CACNA2D1: variants seen among roughly 807,000 people sequenced by gnomAD.
The protein encoded by CACNA2D1 is calcium voltage-gated channel auxiliary subunit alpha2delta 1, also known as voltage-dependent calcium channel subunit alpha-2/delta-1.
CACNA2D1 carries 53 observed loss-of-function variants against 171.5 expected under a neutral mutation model. The ratio of observed to expected loss-of-function variants is 0.31; its 90% confidence interval spans 0.25 to 0.39. CACNA2D1 has a LOEUF of 0.39. CACNA2D1 is among the 10% of genes least tolerant of loss of function. CACNA2D1 has a pLI of 1.00. For missense variants in CACNA2D1, 903 were observed against 1,299.8 expected (o/e 0.69, Z 4.69); for synonymous variants, 442 against 443.1 (o/e 1.00, Z 0.03).
At chr7:82,189,643 A>T (rs1159394638) in intron 3 of CACNA2D1, among the ~76,000 whole-genome samples, 1 of 151,952 alleles carries the variant, frequency 6.6e-6, no homozygotes, top group African/African-American at 2.4e-5. Flanking sequence ...ATACCAACTG[A>T]ATATGGCAAG....
intron 4 of CACNA2D1, among the ~76,000 whole-genome samples, chr7:82,141,063 AAATC>A (rs1350325958): frequency 2.0e-5 from 3 of 152,068 alleles, no homozygotes; most frequent in African/African-American, 7.2e-5. Context: ...ATTTTGAGAA[AAATC>A]ATATTTTGGA....
At chr7:82,145,757 A>G (rs1055158701) in intron 4 of CACNA2D1, among the ~76,000 whole-genome samples, 9 of 150,020 alleles carry the variant, frequency 6.0e-5, no homozygotes, top group Admixed American at 4.0e-4. Context: ...TACACCCTCT[A>G]AATAGTTTAC....
intron 3 of CACNA2D1, among the ~76,000 whole-genome samples, chr7:82,215,048 G>C (rs1800958461): frequency 6.6e-6 from 1 of 152,098 alleles, no homozygotes; most frequent in Admixed American, 6.6e-5. Context: ...CAGAGAAATT[G>C]ACCCTCCTGG....
intron 3 of CACNA2D1, among the ~76,000 whole-genome samples, chr7:82,291,468 AAT>A (rs1183694598): frequency 7.4e-6 from 1 of 134,730 alleles, no homozygotes. Flanking sequence ...TTAAATATAT[AAT>A]ATATAAAAAT....
At chr7:82,108,823 T>A (rs1007004671) in intron 6 of CACNA2D1, among the ~76,000 whole-genome samples, 2 of 152,212 alleles carry the variant, frequency 1.3e-5, no homozygotes, top group Non-Finnish European at 2.9e-5. Flanking sequence ...TTAATTATGG[T>A]CAAATTAGCC....
intron 24 of CACNA2D1, among the ~76,000 whole-genome samples, chr7:81,980,639 G>C (rs1425322074): frequency 6.6e-6 from 1 of 152,114 alleles, no homozygotes; most frequent in Non-Finnish European, 1.5e-5. Context: ...AACAGAGACA[G>C]CATTAAGAAA....
intron 1 of CACNA2D1, among the ~76,000 whole-genome samples, chr7:82,375,608 G>A (rs968517519): frequency 1.3e-5 from 2 of 152,162 alleles, no homozygotes; most frequent in African/African-American, 4.8e-5. Flanking sequence ...ATCAGGCACT[G>A]CTTTCAACAC....
chr7:82,048,303 TAGC>T (rs1362800459), intron 10 of CACNA2D1, among the ~76,000 whole-genome samples: 2 of 152,098 alleles, frequency 1.3e-5, no homozygotes, highest in Admixed American at 6.6e-5. Flanking sequence ...TCAAACTACA[TAGC>T]AGGAGAGATT....
chr7:82,330,474 G>A (rs896283329), intron 3 of CACNA2D1, among the ~76,000 whole-genome samples: 4 of 151,918 alleles, frequency 2.6e-5, no homozygotes, highest in Non-Finnish European at 4.4e-5. Flanking sequence ...AATTTCTTTA[G>A]TAGGCTTATA....
At chr7:82,329,295 A>G (rs1817007677) in intron 3 of CACNA2D1, among the ~76,000 whole-genome samples, 1 of 152,218 alleles carries the variant, frequency 6.6e-6, no homozygotes, top group South Asian at 2.1e-4. Context: ...ATATTACAGT[A>G]TTTAAAGCTT....
intron 38 of CACNA2D1, among the ~76,000 whole-genome samples, chr7:81,956,811 G>C (rs1584160044): frequency 6.6e-6 from 1 of 152,006 alleles, no homozygotes. Flanking sequence ...ACATCATGAT[G>C]ATTCCAGAGC....
At chr7:82,375,457 G>T (rs1325682900) in intron 1 of CACNA2D1, among the ~76,000 whole-genome samples, 7 of 152,146 alleles carry the variant, frequency 4.6e-5, no homozygotes, top group South Asian at 2.1e-4. Flanking sequence ...GAGTATGGGG[G>T]TGTAGAAATG....
At chr7:81,974,392 A>G in intron 25 of CACNA2D1, 63 bp downstream of exon 25, 5 of 808,782 alleles carry the variant, frequency 6.2e-6, no homozygotes, top group Non-Finnish European at 1.1e-5. Context: ...ATCGTATCCT[A>G]TGATATACTA....
Position 81,967,587 on chromosome 7 carries a change from A to T in CACNA2D1, c.2463+9T>A. On this transcript the variant is annotated intron_variant, in intron 30 of 38. Coordinates refer to ENST00000356860, the MANE Select transcript of CACNA2D1 (RefSeq NM_000722.4). Reference sequence around the variant, plus strand: ...AACATAGCATAAGAATTTTTTAAAAATATCTTACCGGATCTCTGATTGAGG... The same window carrying T: ...AACATAGCATAAGAATTTTTTAAAATTATCTTACCGGATCTCTGATTGAGG... 3 of 1,436,302 alleles carry T rather than the reference A, an allele frequency of 2.1e-6. No homozygotes were observed. Among genetic ancestry groups the T allele is most frequent in the Non-Finnish European group, 2.9e-6 (3 of 1,027,824 alleles). 89.0% of individuals were successfully genotyped at this position (1,436,302 alleles called of 1,614,324 possible).
intron 10 of CACNA2D1, among the ~76,000 whole-genome samples, chr7:82,056,620 C>T (rs1189032156): frequency 2.0e-5 from 3 of 152,202 alleles, no homozygotes; most frequent in East Asian, 1.9e-4. Flanking sequence ...GGTAAATAAC[C>T]AACCCACGGG....
intron 25 of CACNA2D1, among the ~76,000 whole-genome samples, chr7:81,973,138 C>T (rs1795465888): frequency 6.6e-6 from 1 of 151,908 alleles, no homozygotes; most frequent in Non-Finnish European, 1.5e-5. Context: ...CTCATTTTTG[C>T]AAGGAATATG....
At chr7:82,137,384 T>TTAA (rs1157309104) in intron 4 of CACNA2D1, among the ~76,000 whole-genome samples, 2 of 152,096 alleles carry the variant, frequency 1.3e-5, no homozygotes, top group Non-Finnish European at 2.9e-5. Context: ...TGTCAGGAAT[T>TTAA]TAAAACTCCT....
chr7:82,285,226 AC>A (rs1038370257), intron 3 of CACNA2D1, among the ~76,000 whole-genome samples: 6 of 151,888 alleles, frequency 4.0e-5, no homozygotes, highest in Admixed American at 6.6e-5. Context: ...GCTGTGAGAG[AC>A]TTCCTCGCTC....
intron 3 of CACNA2D1, among the ~76,000 whole-genome samples, chr7:82,317,986 C>G (rs1207861615): frequency 1.3e-5 from 2 of 150,792 alleles, no homozygotes; most frequent in Non-Finnish European, 3.0e-5. Context: ...CATATGATGC[C>G]TCTCTCCTTT....
Sources: gnomAD v4.1 joint callset for allele counts (sites outside exome capture counted in the v4.1 genomes callset) on GRCh38, gnomAD v4.1.1 for gene constraint, MANE v1.5 for transcripts, NCBI Gene and HGNC (gene_info 2026-07-23, HGNC 2026-07-21) for gene names.